The following MUC7 variants were observed in gnomAD, a reference collection of about 807,000 sequenced individuals.
MUC7 encodes mucin-7.
MUC7 carries 2 observed loss-of-function variants against 2.5 expected under a neutral mutation model. That is an observed-to-expected ratio of 0.81 (90% CI 0.33 to 2.55). MUC7 has a LOEUF of 2.55. Ranked by LOEUF, MUC7 falls within the 30% of genes most tolerant of loss-of-function variation. The pLI is 0.11. For synonymous variants in MUC7, 133 were observed against 173.4 expected (o/e 0.77, Z 1.83); for missense variants, 408 against 455.6 (o/e 0.90, Z 0.95).
At chr4:70,444,465 C>T (rs1734080000) in intron 1 of MUC7, among the ~76,000 whole-genome samples, 1 of 152,192 alleles carries the variant, frequency 6.6e-6, no homozygotes, top group Non-Finnish European at 1.5e-5. Flanking sequence ...ACACCTTCCC[C>T]TACTACCCAG....
At chr4:70,457,663 A>C (rs1231571625) in intron 1 of MUC7, among the ~76,000 whole-genome samples, 1 of 152,278 alleles carries the variant, frequency 6.6e-6, no homozygotes, top group South Asian at 2.1e-4. Flanking sequence ...AGCAGAAGGT[A>C]AAAATAAAAG....
In MUC7 at chr4:70,443,902, T is replaced by G. The variant is rs114829486; in HGVS notation, c.-93+13215T>G. Among the ~76,000 whole-genome samples the G allele has an allele frequency of 8.9e-3, 1,350 of 152,302 alleles. 17 individuals carry two copies. Among genetic ancestry groups the G allele is most frequent in the African/African-American group, 0.031 (1,283 of 41,556 alleles). ...AAAGCTGGCTCATACAAACCTCATT[T>G]AAATCCATTTAAGAAAAACAAAACT... On this transcript the variant is annotated intron_variant, in intron 1 of 3. Transcript: ENST00000413702.
At chr4:70,467,091 C>G (rs1326398637) in intron 1 of MUC7, among the ~76,000 whole-genome samples, 1 of 152,166 alleles carries the variant, frequency 6.6e-6, no homozygotes, top group African/African-American at 2.4e-5. Flanking sequence ...AATTAGAACT[C>G]AGGATTAAGA....
intron 1 of MUC7, among the ~76,000 whole-genome samples, chr4:70,455,750 C>A (rs2109720079): frequency 6.6e-6 from 1 of 152,216 alleles, no homozygotes; most frequent in Non-Finnish European, 1.5e-5. Context: ...GGAACTCGAG[C>A]TTTACGAAAA....
At chr4:70,469,763 TG>T (rs1318778562), upstream of MUC7, among the ~76,000 whole-genome samples, 1 of 152,216 alleles carries the variant, frequency 6.6e-6, no homozygotes, top group African/African-American at 2.4e-5. Flanking sequence ...AAACAACAGA[TG>T]CTGGAAAGGA....
Position 70,481,485 on chromosome 4 carries a change from T to G in MUC7, c.741T>G (p.Ala247=). The change falls in exon 3 of 3, where the codon GCT becomes GCG. Residue 247 remains alanine (A), a synonymous_variant. Coordinates refer to ENST00000304887, the MANE Select transcript of MUC7 (RefSeq NM_152291.3). ...APPTPSATTP[A]PLSSSAPPET... ...CCACACCTTCTGCAACTACACCAGC[T>G]CCACTATCTTCCTCAGCTCCACCAG... is the stretch of plus-strand genomic sequence containing the variant. 1 of 1,501,900 alleles carries G rather than the reference T, an allele frequency of 6.7e-7. No homozygotes were observed. Among genetic ancestry groups the G allele is most frequent in the Non-Finnish European group, 8.9e-7 (1 of 1,123,418 alleles). 93.0% of individuals were successfully genotyped at this position (1,501,900 alleles called of 1,614,324 possible).
Position 70,481,445 on chromosome 4 carries a change from C to A in MUC7, c.701C>A (p.Thr234Asn). Residue 234 changes from threonine to asparagine, a missense_variant, in exon 3 of 3, where the codon ACC (threonine) becomes AAC (asparagine). Transcript: ENST00000304887. ...APPSSSAPPE[T>N]TAAPPTPSAT... ...CCATCTTCCTCAGCTCCACCAGAGACCACAGCTGCCCCACCCACACCTTCT... is the reference window on the plus strand; with the variant it reads ...CCATCTTCCTCAGCTCCACCAGAGAACACAGCTGCCCCACCCACACCTTCT... 6.6e-7 allele frequency: 1 copy of A among 1,510,058 alleles called. No individual in the cohort carries two copies. The highest frequency in any genetic ancestry group is 3.1e-5 in the East Asian group (1 of 32,342). 93.5% of individuals were successfully genotyped at this position (1,510,058 alleles called of 1,614,324 possible).
At position 70,480,873 on chromosome 4, in the gene MUC7, T is replaced by G. The variant is rs1735145183; in HGVS notation, c.129T>G (p.Phe43Leu). ...RHHHQSPKSH[F>L]ELPHYPGLLA... ...ATCACCAATCACCCAAATCTCACTT[T>G]GAATTACCACATTATCCTGGACTGC... The change falls in exon 3 of 3, where the codon TTT (phenylalanine) becomes TTG (leucine). Residue 43 changes from phenylalanine (F) to leucine (L), a missense_variant. Phe to Leu is a conservative substitution (Grantham distance 22). Around this residue, in one of 3 missense-constraint regions of MUC7, gnomAD observed 225 missense variants for 240.5 expected, o/e 0.94. Transcript: ENST00000304887. 6.2e-7 allele frequency: 1 copy of G among 1,614,176 alleles called. No homozygotes were observed.
Position 70,481,725 on chromosome 4 carries a change from T to C in MUC7, c.981T>C (p.Ala327=), listed in dbSNP as rs1174147984. ...CACCTGACACTTCTGAAACTTCAGC[T>C]GCACCCACACACCAGACTACTACTT... is the stretch of plus-strand genomic sequence containing the variant. ...TLAPDTSETS[A]APTHQTTTSV... Residue 327 remains alanine, a synonymous_variant, in exon 3 of 3, where the codon GCT becomes GCC. Transcript: ENST00000304887. 1 of 1,614,226 alleles carries C rather than the reference T, an allele frequency of 6.2e-7. No homozygotes were observed. The highest frequency in any genetic ancestry group is 8.5e-7 in the Non-Finnish European group (1 of 1,180,042).
intron 1 of MUC7, among the ~76,000 whole-genome samples, chr4:70,439,437 C>G (rs911582929): frequency 2.6e-5 from 4 of 152,160 alleles, no homozygotes; most frequent in Non-Finnish European, 4.4e-5. Context: ...TTTAAAAGCA[C>G]TCTGCCTCCT....
At chr4:70,465,766 G>A (rs891432280) in intron 1 of MUC7, among the ~76,000 whole-genome samples, 24 of 152,232 alleles carry the variant, frequency 1.6e-4, no homozygotes, top group Admixed American at 5.2e-4. Context: ...CCAAACTTAC[G>A]CTTGATTGGT....
rs780587724 is a variant in MUC7, at chr4:70,481,660, G to T, written c.916G>T (p.Ala306Ser). Residue 306 changes from alanine to serine, a missense_variant, in exon 3 of 3, where the codon GCC becomes TCC. Transcript: ENST00000304887. ...CCCAGCTCCACAAGAGACCACAGCT[G>T]CCCCAATTACCACACCTAATTCTTC... ...SSPAPQETTA[A>S]PITTPNSSPT... The T allele has an allele frequency of 1.2e-5, 20 of 1,613,756 alleles. No homozygotes were observed. Among genetic ancestry groups the T allele is most frequent in the African/African-American group, 2.7e-5 (2 of 74,796 alleles).
intron 1 of MUC7, among the ~76,000 whole-genome samples, chr4:70,460,127 T>A (rs1007494487): frequency 2.0e-5 from 3 of 152,092 alleles, no homozygotes; most frequent in Non-Finnish European, 4.4e-5. Context: ...ACTAGATCCT[T>A]CGCTGCTTTA....
chr4:70,477,493 T>C (rs914370569), intron 2 of MUC7, among the ~76,000 whole-genome samples: 1 of 152,168 alleles, frequency 6.6e-6, no homozygotes, highest in African/African-American at 2.4e-5. Context: ...TCCTCTTCCT[T>C]CCTCAGAGAA....
intron 1 of MUC7, among the ~76,000 whole-genome samples, chr4:70,447,915 C>T (rs1199458057): frequency 6.6e-6 from 1 of 152,110 alleles, no homozygotes; most frequent in Non-Finnish European, 1.5e-5. Context: ...ACCCACTAAC[C>T]ATCCACACGT....
intron 1 of MUC7, among the ~76,000 whole-genome samples, chr4:70,434,152 T>C (rs1733758347): frequency 6.6e-6 from 1 of 152,214 alleles, no homozygotes; most frequent in Admixed American, 6.5e-5. Flanking sequence ...TTTGCATCAA[T>C]GTTCATTAGC....
chr4:70,462,349 T>A (rs1448997018), intron 1 of MUC7, among the ~76,000 whole-genome samples: 1 of 152,218 alleles, frequency 6.6e-6, no homozygotes, highest in African/African-American at 2.4e-5. Flanking sequence ...ATTAACATAC[T>A]TTTTAAAAGC....
rs114983781 is a variant in MUC7 at position 70,449,666 on chromosome 4, C to T, written c.-93+18979C>T. On this transcript the variant is annotated intron_variant, in intron 1 of 3. Coordinates refer to the MUC7 transcript ENST00000413702. ...AAGGTGCATATGCTTTAGTGGGCAC[C>T]GCGAGTCAGTAATGCTGTGGTTCCT... Among the ~76,000 whole-genome samples the T allele has an allele frequency of 1.5e-4, 23 of 152,220 alleles. 1 individual carries two copies. Among genetic ancestry groups the T allele is most frequent in the South Asian group, 6.2e-4 (3 of 4,820 alleles).
chr4:70,466,334 G>C (rs558134929), intron 1 of MUC7, among the ~76,000 whole-genome samples: 1 of 152,132 alleles, frequency 6.6e-6, no homozygotes, highest in Admixed American at 6.5e-5. Flanking sequence ...ATTGAGGCTA[G>C]GAAGAAACTG....
Sources: allele counts gnomAD v4.1 joint callset (sites outside exome capture counted in the v4.1 genomes callset), GRCh38; gene constraint gnomAD v4.1.1; regional missense constraint gnomAD v4.1.1; transcripts MANE v1.5; gene names NCBI Gene and HGNC (gene_info 2026-07-23, HGNC 2026-07-21).